Variants in LAMTOR4 observed in about 807,000 individuals in gnomAD.
The protein encoded by LAMTOR4 is ragulator complex protein LAMTOR4.
LAMTOR4 carries 11 observed loss-of-function variants against 13.5 expected under a neutral mutation model. That is an observed-to-expected ratio of 0.82 (90% CI 0.51 to 1.35). The LOEUF (loss-of-function observed/expected upper bound fraction) is 1.35, where lower values mean the gene tolerates loss of function less well. Ranked by LOEUF, LAMTOR4 falls within the 40% of genes most tolerant of loss-of-function variation. LAMTOR4 has a pLI of 0.00. For missense variants in LAMTOR4, 128 were observed against 126.2 expected (o/e 1.01, Z -0.07); for synonymous variants, 69 against 52.3 (o/e 1.32, Z -1.38).
rs201988587 is a variant in LAMTOR4, at chr7:100,148,960, A to G, written c.-13A>G. 1.1e-5 allele frequency: 18 copies of G among 1,612,296 alleles called. No homozygotes were observed. The highest frequency in any genetic ancestry group is 4.5e-5 in the East Asian group (2 of 44,876). ...CTATCTGGTAGGGAGCTCCCCCAGC[A>G]CCGAAGACTGCGATGGTGAGTGAGG... On this transcript the variant is annotated 5_prime_UTR_variant, in exon 1 of 4. Transcript: ENST00000341942.
At chr7:100,149,082 A>C in intron 1 of LAMTOR4, 107 bp downstream of exon 1, 1 of 1,381,004 alleles carries the variant, frequency 7.2e-7, no homozygotes, top group Non-Finnish European at 9.9e-7. Context: ...CTCACCTCCT[A>C]TCCGCTCGGG....
In LAMTOR4 at chr7:100,153,403, T is replaced by C. The variant is rs1307062902; in HGVS notation, c.88T>C (p.Ser30Pro). Residue 30 changes from serine (S) to proline (P), a missense_variant, in exon 3 of 4, where the codon TCT becomes CCT. Transcript: ENST00000341942. ...TCCCTCCTCCGTCTGCATGCAGTCATCTGGGGACCTGGAGAATGATGAGCA... is the reference window on the plus strand; with the variant it reads ...TCCCTCCTCCGTCTGCATGCAGTCACCTGGGGACCTGGAGAATGATGAGCA... ...VLSEGAVLAS[S>P]GDLENDEQAA... The C allele has an allele frequency of 6.2e-7, 1 of 1,608,840 alleles. No individual in the cohort carries two copies. The highest frequency in any genetic ancestry group is 1.1e-5 in the South Asian group (1 of 91,022).
chr7:100,150,459 C>G (rs1248974970), intron 2 of LAMTOR4, among the ~76,000 whole-genome samples: 2 of 152,088 alleles, frequency 1.3e-5, no homozygotes, highest in Non-Finnish European at 2.9e-5. Context: ...CCTATCTGAA[C>G]TGATGGTAAG....
intron 3 of LAMTOR4, 53 bp from the exon 4 acceptor site, chr7:100,153,814 C>T: frequency 7.5e-7 from 1 of 1,326,632 alleles, no homozygotes; most frequent in Non-Finnish European, 1.1e-6. Context: ...CACCCACTAA[C>T]TCTGTGCTCC....
Position 100,151,493 on chromosome 7 carries a change from A to G in LAMTOR4, c.85-1907A>G, listed in dbSNP as rs543664919. 7.9e-5 allele frequency among the ~76,000 whole-genome samples: 12 copies of G among 151,608 alleles called. No individual in the cohort carries two copies. The East Asian group carries it at 2.1e-3, about 27-fold the overall frequency. The stretch of plus-strand genomic sequence containing the variant: ...AAGCTCCGCCTCCCGGGTTCACGCC[A>G]TTCTCCTGCCTCAGCCTCCCTAGTA... On this transcript the variant is annotated intron_variant, in intron 2 of 3. Coordinates refer to ENST00000341942, the MANE Select transcript of LAMTOR4 (RefSeq NM_001008395.4).
At position 100,154,113 on chromosome 7, in the gene LAMTOR4, G is replaced by A. The variant is rs1381984853; in HGVS notation, c.*149G>A. ...CCTACCTGGACGGGCCCAGGCTTGGGGACTCTGAGCTGTGTTAAGGAGAAC... is the reference window on the plus strand; with the variant it reads ...CCTACCTGGACGGGCCCAGGCTTGGAGACTCTGAGCTGTGTTAAGGAGAAC... On this transcript the variant is annotated 3_prime_UTR_variant, in exon 4 of 4. Transcript: ENST00000341942. 1.5e-6 allele frequency: 1 copy of A among 654,460 alleles called. No homozygotes were observed. The highest frequency in any genetic ancestry group is 1.8e-5 in the African/African-American group (1 of 56,078). The allele number at this position is 654,460 out of a possible 1,614,324, so 40.5% of individuals were successfully genotyped here. A position where few individuals can be genotyped will look rare whatever the true frequency, so the allele number is the denominator to read the frequency against.
At chr7:100,152,364 T>C (rs928721220) in intron 2 of LAMTOR4, among the ~76,000 whole-genome samples, 2 of 152,010 alleles carry the variant, frequency 1.3e-5, no homozygotes, top group Admixed American at 6.6e-5. Context: ...ATTGCACCAC[T>C]GTACTCCAGC....
chr7:100,150,703 G>C (rs1798672239), intron 2 of LAMTOR4, among the ~76,000 whole-genome samples: 1 of 152,124 alleles, frequency 6.6e-6, no homozygotes, highest in African/African-American at 2.4e-5. Context: ...AGATGAGACT[G>C]GGCTGGGCGT....
chr7:100,149,005 C>G (rs370022871), intron 1 of LAMTOR4, 30 bp downstream of exon 1: 2 of 1,605,350 alleles, frequency 1.2e-6, no homozygotes, highest in Non-Finnish European at 1.7e-6. Flanking sequence ...CGAGAGGACC[C>G]GCCGGGGGTT....
intron 3 of LAMTOR4, 98 bp downstream of exon 3, chr7:100,153,615 T>G: frequency 9.2e-7 from 1 of 1,086,210 alleles, no homozygotes; most frequent in Non-Finnish European, 1.4e-6. Context: ...TACCATCTCC[T>G]GGGGTCTCTG....
At chr7:100,149,371 G>A in intron 1 of LAMTOR4, 128 bp from the exon 2 acceptor site, 1 of 722,388 alleles carries the variant, frequency 1.4e-6, no homozygotes, top group Non-Finnish European at 2.5e-6. Context: ...GGGCCGGGAA[G>A]GGACCTGGCT....
At chr7:100,149,108 GAA>G (rs1798617462) in intron 1 of LAMTOR4, 133 bp downstream of exon 1, 2 of 1,175,322 alleles carry the variant, frequency 1.7e-6, no homozygotes, top group East Asian at 4.8e-5. Context: ...AGAGGGGATG[GAA>G]ATGGGAGGGA....
At chr7:100,149,020 G>C (rs752230538) in intron 1 of LAMTOR4, 45 bp downstream of exon 1, 2 of 1,599,130 alleles carry the variant, frequency 1.3e-6, no homozygotes, top group African/African-American at 1.3e-5. Flanking sequence ...GGGGTTCAGC[G>C]TCTCTGCTCC....
At position 100,148,965 on chromosome 7, in the gene LAMTOR4, A is replaced by G. The variant is rs368074126; in HGVS notation, c.-8A>G. 2 of 1,612,066 alleles carry G rather than the reference A, an allele frequency of 1.2e-6. No homozygotes were observed. The highest frequency in any genetic ancestry group is 2.7e-5 in the African/African-American group (2 of 74,906). On this transcript the variant is annotated 5_prime_UTR_variant, in exon 1 of 4. Transcript: ENST00000341942. Reference sequence around the variant, plus strand: ...TGGTAGGGAGCTCCCCCAGCACCGAAGACTGCGATGGTGAGTGAGGACGCA... The same window carrying G: ...TGGTAGGGAGCTCCCCCAGCACCGAGGACTGCGATGGTGAGTGAGGACGCA...
At chr7:100,150,815 CTG>C (rs1798676306) in intron 2 of LAMTOR4, among the ~76,000 whole-genome samples, 2 of 151,868 alleles carry the variant, frequency 1.3e-5, no homozygotes, top group Non-Finnish European at 2.9e-5. Context: ...GAAACCCCGT[CTG>C]TACTAAAAAT....
In LAMTOR4 at chr7:100,153,855, T is replaced by C; in HGVS notation, c.203-12T>C. 1.3e-6 allele frequency: 2 copies of C among 1,552,328 alleles called. No individual in the cohort carries two copies. The highest frequency in any genetic ancestry group is 8.8e-7 in the Non-Finnish European group (1 of 1,142,732). ...CTCTCCTGGGGCGGGGGAAGGTGTG[T>C]CTCTCCTCCAGTGGTCTTTGGAGAA... On this transcript the variant is annotated splice_polypyrimidine_tract_variant and intron_variant, in intron 3 of 3. Transcript: ENST00000341942.
rs772391816 is a variant in LAMTOR4 at position 100,148,950 on chromosome 7, C to T, written c.-23C>T. On this transcript the variant is annotated 5_prime_UTR_variant, in exon 1 of 4. Transcript: ENST00000341942. ...CGGAAGCTACCTATCTGGTAGGGAG[C>T]TCCCCCAGCACCGAAGACTGCGATG... The T allele has an allele frequency of 5.0e-6, 8 of 1,612,264 alleles. No homozygotes were observed. In the South Asian group the frequency reaches 7.7e-5, roughly 15 times the overall value.
chr7:100,149,171 CG>C, intron 1 of LAMTOR4, 196 bp downstream of exon 1: 1 of 691,032 alleles, frequency 1.4e-6, no homozygotes, highest in South Asian at 1.9e-5. Context: ...TCTGGGGCTG[CG>C]GGTAGTCTGC....
chr7:100,150,799 C>T (rs542823032), intron 2 of LAMTOR4, among the ~76,000 whole-genome samples: 5 of 151,970 alleles, frequency 3.3e-5, no homozygotes, highest in Admixed American at 6.6e-5. Context: ...TCCTGGCCAA[C>T]ACGGTGAAAC....
Sources: gnomAD v4.1 joint callset for allele counts (sites outside exome capture counted in the v4.1 genomes callset) on GRCh38, gnomAD v4.1.1 for gene constraint, MANE v1.5 for transcripts, NCBI Gene and HGNC (gene_info 2026-07-23, HGNC 2026-07-21) for gene names.